Variants in AGBL1 observed in about 807,000 individuals in gnomAD.
The protein encoded by AGBL1 is cytosolic carboxypeptidase 4.
Under a neutral mutation model 118.9 loss-of-function variants are expected in AGBL1, and 130 were observed. That is an observed-to-expected ratio of 1.09 (90% CI 0.95 to 1.26). AGBL1 has a LOEUF of 1.26. Ranked by LOEUF, AGBL1 falls within the 50% of genes most tolerant of loss-of-function variation. AGBL1 has a pLI of 0.00. For missense variants in AGBL1, 1,584 were observed against 1,298.1 expected, an observed-to-expected ratio of 1.22 and a Z score of -3.38; for synonymous variants, 555 against 478.9, an observed-to-expected ratio of 1.16 and a Z score of -2.08.
At chr15:86,191,603 AAG>A (rs1046024521) in intron 5 of AGBL1, among the ~76,000 whole-genome samples, 4 of 152,148 alleles carry the variant, frequency 2.6e-5, no homozygotes, top group African/African-American at 9.6e-5. Context: ...TCTGAATAGA[AAG>A]AGAGAGAATG....
Position 86,295,416 on chromosome 15 carries a change from A to T in AGBL1, c.2374+8A>T. The stretch of plus-strand genomic sequence containing the variant: ...AGCATCTAGAGCAGTTCCGTGAGTA[A>T]AATGGGATCCTCTTCGTAGAAGATT... On this transcript the variant is annotated splice_region_variant and intron_variant, in intron 17 of 22. Coordinates refer to ENST00000614907, the MANE Select transcript of AGBL1 (RefSeq NM_001386094.1). 1 of 1,547,624 alleles carries T rather than the reference A, an allele frequency of 6.5e-7. No homozygotes were observed.
chr15:86,537,724 C>A (rs140694089), intron 19 of AGBL1, among the ~76,000 whole-genome samples: 73 of 152,336 alleles, frequency 4.8e-4, no homozygotes, highest in African/African-American at 1.6e-3. Flanking sequence ...TATCACACAT[C>A]ACTTTCTAAT....
intron 4 of AGBL1, among the ~76,000 whole-genome samples, chr15:86,155,374 C>G (rs959247488): frequency 6.6e-6 from 1 of 152,068 alleles, no homozygotes; most frequent in Admixed American, 6.5e-5. Context: ...CACTTGAGCC[C>G]AGGAAGTCAT....
intron 17 of AGBL1, chr15:86,296,941 G>A (rs940484781): frequency 6.6e-6 from 1 of 152,152 alleles, no homozygotes; most frequent in Non-Finnish European, 1.5e-5. Context: ...ACATAGAAGT[G>A]CCTCCGTTTT....
At chr15:86,234,349 C>A (rs539589412) in intron 6 of AGBL1, among the ~76,000 whole-genome samples, 49 of 151,952 alleles carry the variant, frequency 3.2e-4, no homozygotes, top group African/African-American at 1.1e-3. Flanking sequence ...TCAAGAGTTC[C>A]AGACCAGCCT....
intron 15 of AGBL1, among the ~76,000 whole-genome samples, chr15:86,274,531 A>G (rs1219689543): frequency 6.6e-6 from 1 of 152,202 alleles, no homozygotes; most frequent in Non-Finnish European, 1.5e-5. Flanking sequence ...GCTTCTGTAA[A>G]CTTAAATACC....
intron 4 of AGBL1, among the ~76,000 whole-genome samples, chr15:86,157,695 A>G (rs908171157): frequency 6.6e-6 from 1 of 152,162 alleles, no homozygotes; most frequent in African/African-American, 2.4e-5. Context: ...TTTTCCGTCA[A>G]TTGTTAGCCA....
intron 18 of AGBL1, among the ~76,000 whole-genome samples, chr15:86,410,892 A>G (rs1388428691): frequency 4.2e-5 from 5 of 120,392 alleles, no homozygotes; most frequent in Non-Finnish European, 8.3e-5. Context: ...AATATATATT[A>G]TATAATATTA....
chr15:86,871,514 C>T (rs2079727896), intron 22 of AGBL1, among the ~76,000 whole-genome samples: 1 of 152,190 alleles, frequency 6.6e-6, no homozygotes, highest in Admixed American at 6.5e-5. Flanking sequence ...AAGGCTGCCA[C>T]TCCTGTGGTC....
intron 22 of AGBL1, among the ~76,000 whole-genome samples, chr15:86,810,144 A>C (rs969358066): frequency 2.6e-5 from 4 of 152,132 alleles, no homozygotes; most frequent in Non-Finnish European, 5.9e-5. Flanking sequence ...AACAATAAAA[A>C]CCACATCAGT....
At chr15:86,882,763 T>C (rs1372666291) in intron 22 of AGBL1, among the ~76,000 whole-genome samples, 1 of 152,198 alleles carries the variant, frequency 6.6e-6, no homozygotes, top group Non-Finnish European at 1.5e-5. Context: ...GACAACTCAC[T>C]GGAGGCATTT....
chr15:86,484,882 A>G (rs923040289), intron 18 of AGBL1, among the ~76,000 whole-genome samples: 1 of 152,154 alleles, frequency 6.6e-6, no homozygotes, highest in African/African-American at 2.4e-5. Context: ...AAACACTTGA[A>G]ATAGTTTCCC....
At chr15:86,926,391 C>T (rs2080540048) in intron 23 of AGBL1, among the ~76,000 whole-genome samples, 1 of 152,114 alleles carries the variant, frequency 6.6e-6, no homozygotes, top group African/African-American at 2.4e-5. Flanking sequence ...AAGGTGCTAG[C>T]CAGTCACAAT....
intron 21 of AGBL1, among the ~76,000 whole-genome samples, chr15:86,586,639 C>T (rs2084252798): frequency 1.3e-5 from 2 of 152,058 alleles, no homozygotes; most frequent in Admixed American, 1.3e-4. Context: ...AGTCGGGTTA[C>T]AGTTTGGTTT....
intron 18 of AGBL1, among the ~76,000 whole-genome samples, chr15:86,496,586 AT>A (rs1272632745): frequency 6.6e-6 from 1 of 151,864 alleles, no homozygotes; most frequent in Non-Finnish European, 1.5e-5. Flanking sequence ...ATTTAACATC[AT>A]TTTTTAACTT....
chr15:86,093,524 A>G (rs566158395), intron 1 of AGBL1, among the ~76,000 whole-genome samples: 30 of 152,304 alleles, frequency 2.0e-4, no homozygotes, highest in African/African-American at 7.2e-4. Flanking sequence ...GATAGAAGCT[A>G]AGTTTGAAAT....
chr15:86,267,677 A>G (rs916226713), intron 13 of AGBL1, among the ~76,000 whole-genome samples: 2 of 152,246 alleles, frequency 1.3e-5, no homozygotes, highest in African/African-American at 2.4e-5. Context: ...ACAAACTAAA[A>G]GAAAGGAAAT....
chr15:86,278,151 C>T (rs1227984288), intron 15 of AGBL1, among the ~76,000 whole-genome samples: 1 of 152,226 alleles, frequency 6.6e-6, no homozygotes, highest in African/African-American at 2.4e-5. Flanking sequence ...TTGGGGCAAT[C>T]TGGCAAAGTA....
At chr15:86,972,230 G>A (rs1483535639) in intron 23 of AGBL1, among the ~76,000 whole-genome samples, 1 of 151,966 alleles carries the variant, frequency 6.6e-6, no homozygotes, top group Non-Finnish European at 1.5e-5. Context: ...AGCCCTAGTT[G>A]CCAACTCTGT....
Sources: gnomAD v4.1 joint callset for allele counts (sites outside exome capture counted in the v4.1 genomes callset) on GRCh38, gnomAD v4.1.1 for gene constraint, MANE v1.5 for transcripts, NCBI Gene and HGNC (gene_info 2026-07-23, HGNC 2026-07-21) for gene names.